The following ITGA8 variants were observed in gnomAD, a reference collection of about 807,000 sequenced individuals.
ITGA8 encodes the protein integrin alpha-8.
ITGA8 carries 91 observed loss-of-function variants against 142.3 expected under a neutral mutation model. The ratio of observed to expected loss-of-function variants is 0.64; its 90% CI spans 0.54 to 0.76. The LOEUF is 0.76. ITGA8 is among the 30% of genes least tolerant of loss of function. The pLI is 0.00. For missense variants in ITGA8, 1,406 were observed against 1,327.7 expected (o/e 1.06, Z -0.92); for synonymous variants, 505 against 485.2 (o/e 1.04, Z -0.54).
rs1398486767 is a variant in ITGA8 at position 15,655,386 on chromosome 10, A to G, written c.969T>C (p.Tyr323=). 3 of 1,611,396 alleles carry G rather than the reference A, an allele frequency of 1.9e-6. No homozygotes were observed. The highest frequency in any genetic ancestry group is 3.3e-5 in the Admixed American group (2 of 59,942). Residue 323 remains tyrosine (Y), a synonymous_variant, in exon 11 of 30, where the codon TAT becomes TAC. Coordinates refer to ENST00000378076, the MANE Select transcript of ITGA8 (RefSeq NM_003638.3). ...TGTTAACATCTGATACGACAACGGT[A>G]TATCCAAAATAAGATGCCATCTGCA... ...TGEQMASYFG[Y]TVVVSDVNSD...
intron 13 of ITGA8, among the ~76,000 whole-genome samples, chr10:15,624,974 T>A (rs1186436723): frequency 6.6e-6 from 1 of 152,186 alleles, no homozygotes; most frequent in Non-Finnish European, 1.5e-5. Context: ...TCCTTGACTT[T>A]GGCAAACGTG....
Position 15,644,187 on chromosome 10 carries a change from A to G in ITGA8, c.1242T>C (p.Asp414=). 6.2e-7 allele frequency: 1 copy of G among 1,613,928 alleles called. No individual in the cohort carries two copies. The highest frequency in any genetic ancestry group is 8.5e-7 in the Non-Finnish European group (1 of 1,179,956). The change falls in exon 13 of 30, where the codon GAT becomes GAC. Residue 414 remains aspartate (D), a synonymous_variant. Coordinates refer to ENST00000378076, the MANE Select transcript of ITGA8 (RefSeq NM_003638.3). ...IAIGVPFAGK[D]QRGKVLIYNG... ...TATAAATGAGCACTTTGCCTCTTTGATCCTTGCCTGCAAAAGGCACTCCGA... is the reference window on the plus strand; with the variant it reads ...TATAAATGAGCACTTTGCCTCTTTGGTCCTTGCCTGCAAAAGGCACTCCGA...
intron 25 of ITGA8, among the ~76,000 whole-genome samples, chr10:15,558,814 T>A (rs931387603): frequency 6.6e-6 from 1 of 152,226 alleles, no homozygotes; most frequent in African/African-American, 2.4e-5. Flanking sequence ...GTTTTGCAAA[T>A]GTCCTAGAAC....
At chr10:15,704,600 G>A (rs532103854) in intron 2 of ITGA8, among the ~76,000 whole-genome samples, 32 of 152,018 alleles carry the variant, frequency 2.1e-4, no homozygotes, top group Admixed American at 4.6e-4. Flanking sequence ...ATCACATATC[G>A]TAGTCATAGG....
At chr10:15,541,988 G>A (rs1488576211) in intron 27 of ITGA8, among the ~76,000 whole-genome samples, 1 of 152,122 alleles carries the variant, frequency 6.6e-6, no homozygotes, top group Non-Finnish European at 1.5e-5. Context: ...AGGAGGGCGA[G>A]CAGGAGGCTG....
chr10:15,688,302 CAAAA>C (rs35060475), intron 2 of ITGA8, among the ~76,000 whole-genome samples: 2 of 112,776 alleles, frequency 1.8e-5, no homozygotes, highest in African/African-American at 7.1e-5. Flanking sequence ...CAAAAAATAC[CAAAA>C]AAAAAAAAAA....
At chr10:15,573,816 G>C (rs936440979) in intron 24 of ITGA8, among the ~76,000 whole-genome samples, 69 of 151,876 alleles carry the variant, frequency 4.5e-4, no homozygotes, top group Non-Finnish European at 4.7e-4. Flanking sequence ...AAAATTCCCT[G>C]CCTGGTCCCT....
At chr10:15,639,159 C>T (rs904963444) in intron 13 of ITGA8, among the ~76,000 whole-genome samples, 4 of 151,978 alleles carry the variant, frequency 2.6e-5, no homozygotes, top group Non-Finnish European at 5.9e-5. Context: ...GCCCCTGCCC[C>T]TTCCTGAGTG....
At position 15,520,786 on chromosome 10, in the gene ITGA8, G is replaced by A. The variant is rs186176042; in HGVS notation, c.2983-1374C>T. Reference sequence around the variant, plus strand: ...ATTGCCTCCACTCAGCTGGTCTAAGGTCTCCTAGTTTTAATTGTGTTGGTT... The same window carrying A: ...ATTGCCTCCACTCAGCTGGTCTAAGATCTCCTAGTTTTAATTGTGTTGGTT... On this transcript the variant is annotated intron_variant, in intron 28 of 29. Coordinates refer to ENST00000378076, the MANE Select transcript of ITGA8 (RefSeq NM_003638.3). Among the ~76,000 whole-genome samples the A allele has an allele frequency of 1.2e-3, 187 of 152,304 alleles. 1 individual carries two copies. The highest frequency in any genetic ancestry group is 4.4e-3 in the African/African-American group (183 of 41,564).
chr10:15,647,855 A>C (rs1475999542), intron 11 of ITGA8, among the ~76,000 whole-genome samples: 1 of 152,224 alleles, frequency 6.6e-6, no homozygotes, highest in South Asian at 2.1e-4. Context: ...GAGATTAGAG[A>C]GGTATATCAA....
chr10:15,527,023 C>T (rs760599255), intron 28 of ITGA8, among the ~76,000 whole-genome samples: 8 of 152,130 alleles, frequency 5.3e-5, no homozygotes, highest in Non-Finnish European at 7.3e-5. Flanking sequence ...TTAATGTTGA[C>T]GTCTCTATTT....
At chr10:15,646,692 C>T (rs1414333582) in intron 12 of ITGA8, among the ~76,000 whole-genome samples, 154 bp downstream of exon 12, 1 of 152,072 alleles carries the variant, frequency 6.6e-6, no homozygotes, top group African/African-American at 2.4e-5. Flanking sequence ...AATGTATAAA[C>T]GTAAAGCTGC....
At chr10:15,625,920 G>C (rs1338173185) in intron 13 of ITGA8, among the ~76,000 whole-genome samples, 1 of 152,204 alleles carries the variant, frequency 6.6e-6, no homozygotes, top group African/African-American at 2.4e-5. Flanking sequence ...AAGCAAGCTG[G>C]AAGATTGCAT....
At chr10:15,643,920 G>T in intron 13 of ITGA8, 110 bp downstream of exon 13, 1 of 914,934 alleles carries the variant, frequency 1.1e-6, no homozygotes, top group Non-Finnish European at 1.6e-6. Context: ...GCATGCTTAA[G>T]CTTCAGCCTC....
rs1216645556 is a variant in ITGA8 at position 15,647,020 on chromosome 10, A to G, written c.1033T>C (p.Phe345Leu). Residue 345 changes from phenylalanine (F) to leucine (L), a missense_variant, in exon 12 of 30, where the codon TTT becomes CTT. Phe to Leu is a conservative substitution (Grantham distance 22). Transcript: ENST00000378076. ...LDDVLVGAPL[F>L]MEREFESNPR... Reference sequence around the variant, plus strand: ...TTGCTCTCAAATTCACGTTCCATAAAGAGAGGTGCCCCAACCAGGACATCA... The same window carrying G: ...TTGCTCTCAAATTCACGTTCCATAAGGAGAGGTGCCCCAACCAGGACATCA... 6.2e-7 allele frequency: 1 copy of G among 1,613,812 alleles called. No homozygotes were observed. The highest frequency in any genetic ancestry group is 8.5e-7 in the Non-Finnish European group (1 of 1,180,024).
chr10:15,632,139 G>T (rs1163748651), intron 13 of ITGA8, among the ~76,000 whole-genome samples: 1 of 151,920 alleles, frequency 6.6e-6, no homozygotes, highest in Non-Finnish European at 1.5e-5. Context: ...GGCTTTATCT[G>T]AGAACCTGAT....
chr10:15,649,740 A>G (rs990168706), intron 11 of ITGA8, among the ~76,000 whole-genome samples: 11 of 152,226 alleles, frequency 7.2e-5, no homozygotes, highest in African/African-American at 2.7e-4. Flanking sequence ...AATTAAAACC[A>G]CAATGAGATA....
At chr10:15,610,721 C>T (rs11599273) in intron 15 of ITGA8, among the ~76,000 whole-genome samples, 23,518 of 152,068 alleles carry the variant, frequency 0.15, 2,300 homozygotes, top group Admixed American at 0.27. Context: ...ATGTGAAACA[C>T]GATTTAAAAG....
rs368768931 is a variant in ITGA8, at chr10:15,558,095, T to C, written c.2745A>G (p.Arg915=). The C allele has an allele frequency of 3.6e-5, 58 of 1,614,012 alleles. No individual in the cohort carries two copies. The highest frequency in any genetic ancestry group is 4.8e-5 in the Non-Finnish European group (57 of 1,180,054). ...TCACCAGTATTTTTGCAGGGCTCTG[T>C]CTGTGGAATTCGACCACATGTACAT... ...KRDVHVVEFH[R]QSPAKILNCT... Residue 915 remains arginine (R), a synonymous_variant, in exon 26 of 30, where the codon AGA becomes AGG. Transcript: ENST00000378076.
Sources: allele counts gnomAD v4.1 joint callset (sites outside exome capture counted in the v4.1 genomes callset), GRCh38; gene constraint gnomAD v4.1.1; transcripts MANE v1.5; gene names NCBI Gene and HGNC (gene_info 2026-07-23, HGNC 2026-07-21).